SPEG: variants seen among roughly 807,000 people sequenced by gnomAD.
The protein encoded by SPEG is striated muscle enriched protein kinase.
SPEG carries 114 observed loss-of-function variants against 300.4 expected under a neutral mutation model. The observed-to-expected ratio is 0.38, with a 90% CI of 0.33 to 0.44. The LOEUF is 0.44. Ranked by LOEUF, SPEG falls within the 20% of genes least tolerant of loss-of-function variation. The pLI, the probability that SPEG is intolerant of heterozygous loss-of-function variation, is 1.00. For missense variants in SPEG, 4,201 were observed against 4,586.2 expected (o/e 0.92, Z 2.43); for synonymous variants, 1,964 against 2,018.9 (o/e 0.97, Z 0.73).
intron 36 of SPEG, 64 bp from the exon 37 acceptor site, chr2:219,490,345 C>G: frequency 6.4e-7 from 1 of 1,557,896 alleles, no homozygotes; most frequent in South Asian, 1.2e-5. Context: ...TCCGTTAGCC[C>G]TCACTATGGA....
intron 9 of SPEG, 107 bp from the exon 10 acceptor site, chr2:219,467,067 A>T: frequency 1.5e-6 from 2 of 1,351,442 alleles, no homozygotes; most frequent in Non-Finnish European, 2.0e-6. Context: ...AACAAAATGC[A>T]TCTCTCTCTC....
chr2:219,488,274 G>T lies in SPEG; in HGVS notation c.7822G>T (p.Ala2608Ser). 1 of 1,613,438 alleles carries T rather than the reference G, an allele frequency of 6.2e-7. No homozygotes were observed. The highest frequency in any genetic ancestry group is 8.5e-7 in the Non-Finnish European group (1 of 1,179,816). The change falls in exon 32 of 41, where the codon GCG becomes TCG. Residue 2608 changes from alanine (A) to serine (S), a missense_variant. By Grantham distance (99) the Ala-to-Ser change is moderately conservative. Transcript: ENST00000312358. ...GEAATLLCLP[A>S]ACPAPHISWM... is the part of the protein sequence containing the mutation. ...GGCAGCCACCCTGCTCTGCCTGCCA[G>T]CGGCCTGCCCTGCACCGCACATCTC...
rs775751837 is a variant in SPEG at position 219,448,176 on chromosome 2, C to G, written c.1018C>G (p.Gln340Glu). The G allele has an allele frequency of 2.7e-5, 44 of 1,611,904 alleles. No homozygotes were observed. In the East Asian group the frequency reaches 9.4e-4, roughly 34 times the overall value. The change falls in exon 4 of 41, where the codon CAG (glutamine) becomes GAG (glutamate). Residue 340 changes from glutamine to glutamate, a missense_variant. This residue lies in a region of SPEG where 1,258 missense variants were observed against 1,293.9 expected (regional missense o/e 0.97). Transcript: ENST00000312358. ...CCCCACGTCGCCCCACCGTCGCACT[C>G]AGGAGCCTGTGCTGCCCGAGGACAC... ...ATPTSPHRRT[Q>E]EPVLPEDTTT...
Position 219,448,367 on chromosome 2 carries a change from G to A in SPEG, c.1209G>A (p.Lys403=), listed in dbSNP as rs1224699338. The stretch of plus-strand genomic sequence containing the variant: ...GCGCCGGCTCCCGCATCCTGGACAA[G>A]CTGCAGTTCTTCGAGGAGCGACGGC... ...LVRAGSRILD[K]LQFFEERRRS... is the part of the protein sequence containing the mutation. The change falls in exon 4 of 41, where the codon AAG becomes AAA. Residue 403 remains lysine (K), a synonymous_variant. Coordinates refer to ENST00000312358, the MANE Select transcript of SPEG (RefSeq NM_005876.5). 14 of 1,576,500 alleles carry A rather than the reference G, an allele frequency of 8.9e-6. No individual in the cohort carries two copies. The highest frequency in any genetic ancestry group is 2.7e-5 in the African/African-American group (2 of 73,458).
At position 219,439,890 on chromosome 2, in the gene SPEG, G is replaced by C. The variant is rs909285041; in HGVS notation, c.388+4525G>C. Among the ~76,000 whole-genome samples the C allele has an allele frequency of 1.3e-5, 2 of 152,232 alleles. No homozygotes were observed. The highest frequency in any genetic ancestry group is 3.8e-4 in the East Asian group (2 of 5,200). On this transcript the variant is annotated intron_variant, in intron 1 of 40. Coordinates refer to ENST00000312358, the MANE Select transcript of SPEG (RefSeq NM_005876.5). This position sits in a 1 kb window ranked among gnomAD's most constrained non-coding sequence, Gnocchi z 4.5. ...TCATCACTCAGCTCCCCATCTGTGAGTGGGTGTGTTTAGGGGTGTACATGG... is the reference window on the plus strand; with the variant it reads ...TCATCACTCAGCTCCCCATCTGTGACTGGGTGTGTTTAGGGGTGTACATGG...
Position 219,434,919 on chromosome 2 carries a change from C to T in SPEG, c.-59C>T. The T allele has an allele frequency of 7.5e-7, 1 of 1,326,122 alleles. No homozygotes were observed. The highest frequency in any genetic ancestry group is 3.0e-5 in the East Asian group (1 of 33,330). The allele number at this position is 1,326,122 out of a possible 1,614,324, so 82.1% of individuals were successfully genotyped here. A position where few individuals can be genotyped will look rare whatever the true frequency, so the allele number is the denominator to read the frequency against. On this transcript the variant is annotated 5_prime_UTR_variant, in exon 1 of 41. Coordinates refer to ENST00000312358, the MANE Select transcript of SPEG (RefSeq NM_005876.5). ...AGACTTGTCTCCTAGGGCACCGTCC[C>T]GCGGGTGCCCCCGTGGCCGCCCAGT...
chr2:219,492,944 G>A lies in SPEG; in HGVS notation c.*158G>A. On this transcript the variant is annotated 3_prime_UTR_variant, in exon 41 of 41. Transcript: ENST00000312358. ...CTTACCTCATAGACCTTCAAGGACA[G>A]AGACCCCAGGGCCTGGACCTGATGC... The A allele has an allele frequency of 2.4e-6, 2 of 837,432 alleles. No homozygotes were observed. Among genetic ancestry groups the A allele is most frequent in the Non-Finnish European group, 3.9e-6 (2 of 509,294 alleles). 51.9% of individuals were successfully genotyped at this position (837,432 alleles called of 1,614,324 possible).
At chr2:219,436,072 G>A (rs1363132261) in intron 1 of SPEG, among the ~76,000 whole-genome samples, 2 of 152,242 alleles carry the variant, frequency 1.3e-5, no homozygotes, top group Non-Finnish European at 2.9e-5. Context: ...GTATGGGCAC[G>A]TGGAGCTGGA....
intron 3 of SPEG, among the ~76,000 whole-genome samples, chr2:219,446,908 A>G (rs955551502): frequency 1.3e-5 from 2 of 151,860 alleles, no homozygotes; most frequent in Non-Finnish European, 2.9e-5. Context: ...GAAATATTCA[A>G]TGAGCCATTT....
chr2:219,451,826 C>T lies in SPEG; in HGVS notation c.2440+19C>T, dbSNP rs1342268633. 2.7e-6 allele frequency: 4 copies of T among 1,509,134 alleles called. No homozygotes were observed. The highest frequency in any genetic ancestry group is 3.6e-6 in the Non-Finnish European group (4 of 1,122,540). The allele number at this position is 1,509,134 out of a possible 1,614,324, so 93.5% of individuals were successfully genotyped here. A position where few individuals can be genotyped will look rare whatever the true frequency, so the allele number is the denominator to read the frequency against. ...AGACCCGGTAGGGAGCCCATCAACC[C>T]TGGGGCTGGGTGGGGGCAAGCCGTG... On this transcript the variant is annotated intron_variant, in intron 6 of 40. Transcript: ENST00000312358. The surrounding 1 kb of genome is among the most constrained non-coding windows in gnomAD (Gnocchi z 6.4).
rs774774730 is a variant in SPEG, at chr2:219,468,917, A to G, written c.3360A>G (p.Ser1120=). 1.2e-6 allele frequency: 2 copies of G among 1,613,764 alleles called. No homozygotes were observed. The highest frequency in any genetic ancestry group is 1.3e-5 in the African/African-American group (1 of 74,920). ...LRLRQDGGLH[S]LHIAHVGSED... ...TGCGGCAGGACGGGGGTCTGCACTC[A>G]CTGCACATTGCCCATGTGGGCAGCG... is the stretch of plus-strand genomic sequence containing the variant. Residue 1120 remains serine, a synonymous_variant, in exon 12 of 41, where the codon TCA becomes TCG. Coordinates refer to ENST00000312358, the MANE Select transcript of SPEG (RefSeq NM_005876.5).
At chr2:219,447,395 A>T (rs1575053186) in intron 3 of SPEG, among the ~76,000 whole-genome samples, 1 of 152,194 alleles carries the variant, frequency 6.6e-6, no homozygotes, top group East Asian at 1.9e-4. Context: ...GTATAGGCTC[A>T]GGTCTACACA....
intron 10 of SPEG, 125 bp from the exon 11 acceptor site, chr2:219,468,453 C>T (rs985812179): frequency 1.3e-5 from 14 of 1,103,138 alleles, no homozygotes; most frequent in Non-Finnish European, 1.8e-5. Flanking sequence ...CCCTGAGTAC[C>T]CAGAGCCTTT....
At position 219,477,386 on chromosome 2, in the gene SPEG, G is replaced by T. The variant is rs1692446803; in HGVS notation, c.4670G>T (p.Cys1557Phe). 1 of 1,609,910 alleles carries T rather than the reference G, an allele frequency of 6.2e-7. No individual in the cohort carries two copies. The highest frequency in any genetic ancestry group is 8.5e-7 in the Non-Finnish European group (1 of 1,178,288). The change falls in exon 20 of 41, where the codon TGC becomes TTC. Residue 1557 changes from cysteine (C) to phenylalanine (F), a missense_variant. By Grantham distance (205) the Cys-to-Phe change is radical. Coordinates refer to ENST00000312358, the MANE Select transcript of SPEG (RefSeq NM_005876.5). This position sits in a 1 kb window ranked among gnomAD's most constrained non-coding sequence, Gnocchi z 6.4. ...GCCCAGGATGGAGGCGTCTACACCTGCACCGCCCAGAACCTGGCGGGTGAG... is the reference window on the plus strand; with the variant it reads ...GCCCAGGATGGAGGCGTCTACACCTTCACCGCCCAGAACCTGGCGGGTGAG... The part of the protein sequence containing the change: ...TGAQDGGVYT[C>F]TAQNLAGEVS...
Position 219,448,633 on chromosome 2 carries a change from T to A in SPEG, c.1475T>A (p.Leu492Gln). 1.3e-6 allele frequency: 2 copies of A among 1,483,654 alleles called. No homozygotes were observed. The highest frequency in any genetic ancestry group is 1.8e-6 in the Non-Finnish European group (2 of 1,125,020). 91.9% of individuals were successfully genotyped at this position (1,483,654 alleles called of 1,614,324 possible). The change falls in exon 4 of 41, where the codon CTG (leucine) becomes CAG (glutamine). Residue 492 changes from leucine to glutamine, a missense_variant. Transcript: ENST00000312358. ...CGCAGCCCGGCCTCAGACCTCGAGC[T>A]GCGCTTCGCCCAGGAGCTGGGCCGC... ...RQRSPASDLE[L>Q]RFAQELGRIR... is the part of the protein sequence containing the mutation.
chr2:219,448,651 T>G lies in SPEG; in HGVS notation c.1493T>G (p.Leu498Arg). The G allele has an allele frequency of 6.7e-7, 1 of 1,491,586 alleles. No individual in the cohort carries two copies. The highest frequency in any genetic ancestry group is 8.9e-7 in the Non-Finnish European group (1 of 1,128,896). The allele number at this position is 1,491,586 out of a possible 1,614,324, so 92.4% of individuals were successfully genotyped here. A position where few individuals can be genotyped will look rare whatever the true frequency, so the allele number is the denominator to read the frequency against. ...CTCGAGCTGCGCTTCGCCCAGGAGC[T>G]GGGCCGCATCCGCCGCTCCACGTCG... Reference protein sequence around the residue: ...SDLELRFAQELGRIRRSTSRE... With the variant: ...SDLELRFAQERGRIRRSTSRE... The change falls in exon 4 of 41, where the codon CTG becomes CGG. Residue 498 changes from leucine to arginine, a missense_variant. Coordinates refer to ENST00000312358, the MANE Select transcript of SPEG (RefSeq NM_005876.5).
rs1181891399 is a variant in SPEG, at chr2:219,473,766, A to G, written c.4310A>G (p.Tyr1437Cys). The part of the protein sequence containing the change: ...GALLEARAGV[Y>C]ELSQPDDDQY... ...CTCCTAGAGGCACGGGCCGGTGTGTACGAGCTGAGCCAGCCAGATGATGAC... is the reference window on the plus strand; with the variant it reads ...CTCCTAGAGGCACGGGCCGGTGTGTGCGAGCTGAGCCAGCCAGATGATGAC... Residue 1437 changes from tyrosine to cysteine, a missense_variant, in exon 18 of 41, where the codon TAC (tyrosine) becomes TGC (cysteine). Physicochemically the swap from Tyr to Cys is radical, Grantham distance 194. Transcript: ENST00000312358. The surrounding 1 kb of genome is among the most constrained non-coding windows in gnomAD (Gnocchi z 4.6). The G allele has an allele frequency of 6.2e-7, 1 of 1,614,020 alleles. No homozygotes were observed. The highest frequency in any genetic ancestry group is 8.5e-7 in the Non-Finnish European group (1 of 1,180,010).
chr2:219,484,932 G>T lies in SPEG; in HGVS notation c.7469G>T (p.Arg2490Leu). The T allele has an allele frequency of 6.5e-7, 1 of 1,528,704 alleles. No homozygotes were observed. Among genetic ancestry groups the T allele is most frequent in the Non-Finnish European group, 8.7e-7 (1 of 1,144,278 alleles). The allele number at this position is 1,528,704 out of a possible 1,614,324, so 94.7% of individuals were successfully genotyped here. ...ASGRSTPLFG[R>L]LRRATSEGES... ...GGCCGCAGCACGCCGCTGTTCGGACGGCTTCGCAGGGCCACGTCCGAGGGC... is the reference window on the plus strand; with the variant it reads ...GGCCGCAGCACGCCGCTGTTCGGACTGCTTCGCAGGGCCACGTCCGAGGGC... Residue 2490 changes from arginine to leucine, a missense_variant, in exon 30 of 41, where the codon CGG becomes CTG. By Grantham distance (102) the Arg-to-Leu change is moderately radical. Transcript: ENST00000312358.
At position 219,483,577 on chromosome 2, in the gene SPEG, G is replaced by A. The variant is rs1575170259; in HGVS notation, c.6114G>A (p.Val2038=). ...GGGGCCTGCACAAGGCGGCGTCTGT[G>A]GAGCTGCCGCAGCGCCGGAGCCCCA... ...LGRGLHKAAS[V]ELPQRRSPSP... Residue 2038 remains valine (V), a synonymous_variant, in exon 30 of 41, where the codon GTG becomes GTA. Transcript: ENST00000312358. The A allele has an allele frequency of 6.8e-7, 1 of 1,463,324 alleles. No homozygotes were observed. The highest frequency in any genetic ancestry group is 8.9e-7 in the Non-Finnish European group (1 of 1,119,294). 90.6% of individuals were successfully genotyped at this position (1,463,324 alleles called of 1,614,324 possible).
Sources: gnomAD v4.1 joint callset for allele counts (sites outside exome capture counted in the v4.1 genomes callset) on GRCh38, gnomAD v4.1.1 for gene constraint, gnomAD v4.1.1 regional missense constraint, Gnocchi (gnomAD v3.1) non-coding constraint, MANE v1.5 for transcripts, NCBI Gene and HGNC (gene_info 2026-07-23, HGNC 2026-07-21) for gene names.